Variants in RASAL2 observed in about 807,000 individuals in gnomAD.
RASAL2 encodes RAS protein activator like 2.
In RASAL2, 58 loss-of-function variants were observed where a neutral mutation model predicts 128.9. The ratio of observed to expected loss-of-function variants is 0.45; its 90% CI spans 0.36 to 0.56. RASAL2 has a LOEUF of 0.56. Ranked by LOEUF, RASAL2 falls within the 20% of genes least tolerant of loss-of-function variation. The pLI is 0.00. For missense variants in RASAL2, 1,360 were observed against 1,601.6 expected (o/e 0.85, Z 2.57); for synonymous variants, 561 against 580.8 (o/e 0.97, Z 0.49).
At chr1:178,389,204 CT>C in intron 3 of RASAL2, 16 of 889,062 alleles carry the variant, frequency 1.8e-5, no homozygotes, top group South Asian at 5.2e-5. Context: ...TAGGATGTGG[CT>C]TTTTTTTCCT....
intron 1 of RASAL2, among the ~76,000 whole-genome samples, chr1:178,105,362 A>G (rs1021364139): frequency 2.6e-5 from 4 of 152,252 alleles, no homozygotes; most frequent in Admixed American, 2.6e-4. Flanking sequence ...CATGTAATAC[A>G]TAAGCATAAG....
At position 178,468,126 on chromosome 1, in the gene RASAL2, A is replaced by G. The variant is rs771782163; in HGVS notation, c.3678+705A>G. ...CATGTCAATGATTAGAGCAAAATCC[A>G]GGAGGCAAGAAGTGTTTCTAACTCC... is the stretch of plus-strand genomic sequence containing the variant. On this transcript the variant is annotated intron_variant, in intron 17 of 17. Transcript: ENST00000367649. Among the ~76,000 whole-genome samples, 6 of 152,258 alleles carry G rather than the reference A, an allele frequency of 3.9e-5. No homozygotes were observed. In the South Asian group the frequency reaches 1.2e-3, roughly 32 times the overall value.
In RASAL2 at chr1:178,344,573, G is replaced by A. The variant is rs139235002; in HGVS notation, c.457+44455G>A. 2.3e-3 allele frequency among the ~76,000 whole-genome samples: 347 copies of A among 152,228 alleles called. 1 individual carries two copies. The highest frequency in any genetic ancestry group is 3.6e-3 in the Non-Finnish European group (247 of 68,012). ...CTTGACCTTCAGCAGTCTCTAAAGA[G>A]GAAAAGTGTTTGTTACAGACTCTTT... On this transcript the variant is annotated intron_variant, in intron 3 of 17. Coordinates refer to ENST00000367649, the MANE Select transcript of RASAL2 (RefSeq NM_170692.4).
rs1648670006 is a variant in RASAL2 at position 178,476,323 on chromosome 1, G to A, written c.*3084G>A. 6.6e-6 allele frequency: 1 copy of A among 152,204 alleles called. No individual in the cohort carries two copies. The highest frequency in any genetic ancestry group is 1.5e-5 in the Non-Finnish European group (1 of 68,048). The allele number at this position is 152,204 out of a possible 1,614,324, so 9.4% of individuals were successfully genotyped here. A position where few individuals can be genotyped will look rare whatever the true frequency, so the allele number is the denominator to read the frequency against. On this transcript the variant is annotated 3_prime_UTR_variant, in exon 18 of 18. Transcript: ENST00000367649. ...CCCTTTTATATTACTGAAGCAATAA[G>A]CAATCTGAGCTGAAGCAGCAAAAAG... is the stretch of plus-strand genomic sequence containing the variant.
At chr1:178,339,273 A>G (rs1468807856) in intron 3 of RASAL2, among the ~76,000 whole-genome samples, 2 of 152,240 alleles carry the variant, frequency 1.3e-5, no homozygotes, top group African/African-American at 2.4e-5. Context: ...ACCTATTTCT[A>G]ACAGGTGGGA....
In RASAL2 at chr1:178,413,780, A is replaced by T. The variant is rs2102715978; in HGVS notation, c.565-6731A>T. Among the ~76,000 whole-genome samples the T allele has an allele frequency of 2.6e-5, 4 of 152,342 alleles. No individual in the cohort carries two copies. In the South Asian group the frequency reaches 8.3e-4, roughly 32 times the overall value. Reference sequence around the variant, plus strand: ...ATGGATAAAGCAGATAGCATGCAAGAACAGATGGACAATGTAAGAAGAGAG... The same window carrying T: ...ATGGATAAAGCAGATAGCATGCAAGTACAGATGGACAATGTAAGAAGAGAG... On this transcript the variant is annotated intron_variant, in intron 4 of 17. Coordinates refer to ENST00000367649, the MANE Select transcript of RASAL2 (RefSeq NM_170692.4).
intron 1 of RASAL2, among the ~76,000 whole-genome samples, chr1:178,208,390 C>G (rs948368227): frequency 6.6e-6 from 1 of 152,114 alleles, no homozygotes; most frequent in Non-Finnish European, 1.5e-5. Context: ...AACAGCCGCT[C>G]TGGGAGTGTC....
intron 1 of RASAL2, among the ~76,000 whole-genome samples, chr1:178,203,141 T>C (rs1261238231): frequency 1.3e-5 from 2 of 152,218 alleles, no homozygotes; most frequent in Non-Finnish European, 2.9e-5. Context: ...TTGCCTATCC[T>C]GCACATAATG....
intron 1 of RASAL2, among the ~76,000 whole-genome samples, chr1:178,166,137 C>CTA (rs1262935503): frequency 4.6e-5 from 7 of 152,072 alleles, no homozygotes; most frequent in Non-Finnish European, 8.8e-5. Context: ...GTCCCTTGTG[C>CTA]TATAAATAAG....
At chr1:178,227,477 T>C (rs888528444) in intron 1 of RASAL2, among the ~76,000 whole-genome samples, 2 of 152,154 alleles carry the variant, frequency 1.3e-5, no homozygotes, top group African/African-American at 4.8e-5. Flanking sequence ...TTTGTAAAAA[T>C]CCCCTTACTA....
chr1:178,113,588 G>T (rs527558622), intron 1 of RASAL2, among the ~76,000 whole-genome samples: 1 of 146,768 alleles, frequency 6.8e-6, no homozygotes, highest in African/African-American at 2.5e-5. Context: ...TTGCTGTATT[G>T]CCCAGGCTGG....
intron 9 of RASAL2, among the ~76,000 whole-genome samples, chr1:178,450,431 T>C (rs956450325): frequency 1.3e-5 from 2 of 152,136 alleles, no homozygotes; most frequent in African/African-American, 4.8e-5. Context: ...TGCACCACTT[T>C]CCTTTCTGTA....
intron 4 of RASAL2, 54 bp from the exon 5 acceptor site, chr1:178,420,457 G>T: frequency 1.7e-6 from 2 of 1,163,336 alleles, no homozygotes; most frequent in South Asian, 2.7e-5. Flanking sequence ...TAGTGTGGAC[G>T]AGTAACATTC....
At chr1:178,464,527 T>C in intron 15 of RASAL2, 115 bp downstream of exon 15, 2 of 1,221,066 alleles carry the variant, frequency 1.6e-6, no homozygotes, top group Non-Finnish European at 2.3e-6. Flanking sequence ...CTACCCCTTA[T>C]GTTAATCATC....
At chr1:178,262,113 A>G (rs1339701619) in intron 1 of RASAL2, among the ~76,000 whole-genome samples, 2 of 152,140 alleles carry the variant, frequency 1.3e-5, no homozygotes, top group African/African-American at 4.8e-5. Flanking sequence ...TGATTGAGGA[A>G]TATTCCAAGT....
At chr1:178,256,951 G>C (rs1026728574) in intron 1 of RASAL2, among the ~76,000 whole-genome samples, 2 of 152,100 alleles carry the variant, frequency 1.3e-5, no homozygotes, top group Admixed American at 1.3e-4. Context: ...TAGGATTACA[G>C]GCATGAGCCA....
At chr1:178,153,232 G>A (rs1267487315) in intron 1 of RASAL2, among the ~76,000 whole-genome samples, 2 of 152,018 alleles carry the variant, frequency 1.3e-5, no homozygotes, top group African/African-American at 2.4e-5. Context: ...TCCCCTGCAT[G>A]TTCTCTATGT....
intron 2 of RASAL2, among the ~76,000 whole-genome samples, chr1:178,290,873 T>G (rs1307914798): frequency 6.6e-6 from 1 of 152,086 alleles, no homozygotes; most frequent in African/African-American, 2.4e-5. Context: ...AGACAGGGTT[T>G]CATCGTGTTA....
At chr1:178,136,451 C>G (rs546357668) in intron 1 of RASAL2, among the ~76,000 whole-genome samples, 7 of 152,016 alleles carry the variant, frequency 4.6e-5, no homozygotes, top group Non-Finnish European at 1.0e-4. Context: ...CTTAGATACT[C>G]TATTTTTTCC....
Sources: gnomAD v4.1 joint callset for allele counts (sites outside exome capture counted in the v4.1 genomes callset) on GRCh38, gnomAD v4.1.1 for gene constraint, MANE v1.5 for transcripts, NCBI Gene and HGNC (gene_info 2026-07-23, HGNC 2026-07-21) for gene names.